SLC66A3: variants seen among roughly 807,000 people sequenced by gnomAD.
SLC66A3 encodes the protein solute carrier family 66 member 3.
SLC66A3 carries 23 observed loss-of-function variants against 25.5 expected under a neutral mutation model. The ratio of observed to expected loss-of-function variants is 0.90; its 90% confidence interval spans 0.65 to 1.28. The LOEUF (loss-of-function observed/expected upper bound fraction) is 1.28, where lower values mean the gene tolerates loss of function less well. Ranked by LOEUF, SLC66A3 falls within the 50% of genes most tolerant of loss-of-function variation. The pLI is 0.00. For missense variants in SLC66A3, 246 were observed against 262.1 expected (o/e 0.94, Z 0.42); for synonymous variants, 108 against 112.6 (o/e 0.96, Z 0.26).
At position 11,172,352 on chromosome 2, in the gene SLC66A3, A is replaced by G. The variant is rs138969648; in HGVS notation, c.475+307A>G. 1.9e-3 allele frequency among the ~76,000 whole-genome samples: 291 copies of G among 152,340 alleles called. 1 individual carries two copies. Among genetic ancestry groups the G allele is most frequent in the African/African-American group, 6.7e-3 (278 of 41,580 alleles). On this transcript the variant is annotated intron_variant, in intron 5 of 6. Coordinates refer to ENST00000295083, the MANE Select transcript of SLC66A3 (RefSeq NM_152391.5). ...AAGGATAAAGAGGTTGATTATATTG[A>G]ATGTACTAATTTATCTTAAGAATTT...
At chr2:11,175,971 A>ATGAT (rs1356148028) in intron 6 of SLC66A3, among the ~76,000 whole-genome samples, 1 of 152,174 alleles carries the variant, frequency 6.6e-6, no homozygotes, top group Non-Finnish European at 1.5e-5. Flanking sequence ...GTCAGCTCTG[A>ATGAT]TGATAGGACT....
chr2:11,164,404 C>T (rs958982572), intron 4 of SLC66A3, 143 bp downstream of exon 4: 29 of 170,024 alleles, frequency 1.7e-4, no homozygotes, highest in African/African-American at 7.2e-4. Flanking sequence ...TACAATGGCG[C>T]AATCTCGGCT....
At chr2:11,177,632 C>T (rs79760617) in intron 6 of SLC66A3, 105 bp from the exon 7 acceptor site, 55 of 653,496 alleles carry the variant, frequency 8.4e-5, no homozygotes, top group South Asian at 5.8e-4. Flanking sequence ...TTGTTCATTT[C>T]GGAGGTTGGG....
rs946229370 is a variant in SLC66A3 at position 11,175,142 on chromosome 2, T to G, written c.517+133T>G. On this transcript the variant is annotated intron_variant, in intron 6 of 6. Coordinates refer to ENST00000295083, the MANE Select transcript of SLC66A3 (RefSeq NM_152391.5). ...ATAGATTTAGAAGATGGCAACAATG[T>G]ATTCCTAGTCTTATTGGTCACCATT... The G allele has an allele frequency of 4.7e-6, 3 of 642,330 alleles. No individual in the cohort carries two copies. In the African/African-American group the frequency reaches 5.6e-5, roughly 12 times the overall value. 39.8% of individuals were successfully genotyped at this position (642,330 alleles called of 1,614,324 possible).
intron 3 of SLC66A3, among the ~76,000 whole-genome samples, chr2:11,162,700 G>A (rs1440738202): frequency 1.3e-5 from 2 of 152,112 alleles, no homozygotes; most frequent in Admixed American, 6.6e-5. Flanking sequence ...TCCGCCTCCC[G>A]GGTTCACGCC....
intron 1 of SLC66A3, among the ~76,000 whole-genome samples, chr2:11,157,238 G>A (rs1661939304): frequency 6.6e-6 from 1 of 152,226 alleles, no homozygotes; most frequent in Admixed American, 6.5e-5. Context: ...TCTGGCAGTG[G>A]AAGGATCTTC....
intron 4 of SLC66A3, among the ~76,000 whole-genome samples, chr2:11,168,608 G>A (rs557475453): frequency 3.9e-5 from 6 of 152,138 alleles, no homozygotes; most frequent in Admixed American, 6.5e-5. Context: ...TCGCCACCCC[G>A]CCGAGCCTGT....
Position 11,177,994 on chromosome 2 carries a change from T to C in SLC66A3, c.*166T>C, listed in dbSNP as rs937692506. On this transcript the variant is annotated 3_prime_UTR_variant, in exon 7 of 7. Coordinates refer to ENST00000295083, the MANE Select transcript of SLC66A3 (RefSeq NM_152391.5). ...AGAAAGAGCCACTTAAATTCTTGTTTAAAAATACCAATTTGCCTCCTCCTT... is the reference window on the plus strand; with the variant it reads ...AGAAAGAGCCACTTAAATTCTTGTTCAAAAATACCAATTTGCCTCCTCCTT... The C allele has an allele frequency of 1.8e-4, 104 of 581,248 alleles. No individual in the cohort carries two copies. Among genetic ancestry groups the C allele is most frequent in the Non-Finnish European group, 1.4e-4 (48 of 331,978 alleles). The allele number at this position is 581,248 out of a possible 1,614,324, so 36.0% of individuals were successfully genotyped here. A position where few individuals can be genotyped will look rare whatever the true frequency, so the allele number is the denominator to read the frequency against.
rs931224326 is a variant in SLC66A3, at chr2:11,155,529, G to A, written c.-18G>A. 2.0e-6 allele frequency: 3 copies of A among 1,486,710 alleles called. No homozygotes were observed. Among genetic ancestry groups the A allele is most frequent in the African/African-American group, 2.9e-5 (2 of 68,458 alleles). 92.1% of individuals were successfully genotyped at this position (1,486,710 alleles called of 1,614,324 possible). On this transcript the variant is annotated 5_prime_UTR_variant, in exon 1 of 7. Coordinates refer to ENST00000295083, the MANE Select transcript of SLC66A3 (RefSeq NM_152391.5). ...CCCTTCTCGCTGCGGCCGCCCAGGTGCCCGCGCCCGTGGCGCTATGGAGGC... is the reference window on the plus strand; with the variant it reads ...CCCTTCTCGCTGCGGCCGCCCAGGTACCCGCGCCCGTGGCGCTATGGAGGC...
chr2:11,164,345 A>AT (rs541806283), intron 4 of SLC66A3, 84 bp downstream of exon 4: 5,745 of 92,822 alleles, frequency 0.062, 383 homozygotes, highest in Non-Finnish European at 0.081. Flanking sequence ...ATATATATAT[A>AT]TTTTTTTTTT....
In SLC66A3 at chr2:11,172,009, G is replaced by A; in HGVS notation, c.439G>A (p.Ala147Thr). The A allele has an allele frequency of 6.2e-7, 1 of 1,614,112 alleles. No homozygotes were observed. The highest frequency in any genetic ancestry group is 8.5e-7 in the Non-Finnish European group (1 of 1,179,974). Residue 147 changes from alanine to threonine, a missense_variant, in exon 5 of 7, where the codon GCG becomes ACG. By Grantham distance (58) the Ala-to-Thr change is moderately conservative. This residue lies in a region of SLC66A3 where 93 missense variants were observed against 102.6 expected (regional missense o/e 0.91). Transcript: ENST00000295083. ...GACGAGAGACTCAGGAACTGTGAGTGCGCTGACTTGGAGCCTCTCTTCCTA... is the reference window on the plus strand; with the variant it reads ...GACGAGAGACTCAGGAACTGTGAGTACGCTGACTTGGAGCCTCTCTTCCTA... ...WKTRDSGTVS[A>T]LTWSLSSYTC... is the part of the protein sequence containing the mutation.
chr2:11,170,438 C>T (rs185142525), intron 4 of SLC66A3, among the ~76,000 whole-genome samples: 2 of 152,156 alleles, frequency 1.3e-5, no homozygotes, highest in Non-Finnish European at 2.9e-5. Flanking sequence ...GATCTCTTAC[C>T]TCACTGTATA....
chr2:11,164,345 AT>A (rs541806283), intron 4 of SLC66A3, 84 bp downstream of exon 4: 48 of 92,794 alleles, frequency 5.2e-4, no homozygotes, highest in African/African-American at 8.3e-4. Flanking sequence ...ATATATATAT[AT>A]TTTTTTTTTT....
Position 11,177,970 on chromosome 2 carries a change from G to T in SLC66A3, c.*142G>T. On this transcript the variant is annotated 3_prime_UTR_variant, in exon 7 of 7. Transcript: ENST00000295083. ...GCCAAAGGTTTTTTTAGACTTGAAA[G>T]AAAGAGCCACTTAAATTCTTGTTTA... The T allele has an allele frequency of 1.7e-6, 1 of 598,150 alleles. No homozygotes were observed. 37.1% of individuals were successfully genotyped at this position (598,150 alleles called of 1,614,324 possible). A position where few individuals can be genotyped will look rare whatever the true frequency, so the allele number is the denominator to read the frequency against.
intron 5 of SLC66A3, among the ~76,000 whole-genome samples, chr2:11,174,445 C>T (rs1293449266): frequency 6.6e-6 from 1 of 152,170 alleles, no homozygotes; most frequent in South Asian, 2.1e-4. Context: ...CCCTCATGAG[C>T]AGTTTCAAAA....
At chr2:11,175,216 C>T (rs1187931437) in intron 6 of SLC66A3, among the ~76,000 whole-genome samples, 6 of 152,140 alleles carry the variant, frequency 3.9e-5, no homozygotes, top group African/African-American at 9.7e-5. Flanking sequence ...AGACTATGCA[C>T]AAGACAATAG....
In SLC66A3 at chr2:11,155,651, G is replaced by T. The variant is rs757091602; in HGVS notation, c.105G>T (p.Arg35=). The T allele has an allele frequency of 1.3e-6, 2 of 1,490,598 alleles. No individual in the cohort carries two copies. Among genetic ancestry groups the T allele is most frequent in the South Asian group, 2.6e-5 (2 of 78,164 alleles). The allele number at this position is 1,490,598 out of a possible 1,614,324, so 92.3% of individuals were successfully genotyped here. The change falls in exon 1 of 7, where the codon CGG becomes CGT. Residue 35 remains arginine, a synonymous_variant. Transcript: ENST00000295083. ...CTGTGCTAGCGGCGCGCAGCGCGCG[G>T]GGCCTCAGCCTTCCGAGTTTACTTC... ...ISAVLAARSA[R]GLSLPSLLLE... is the part of the protein sequence containing the mutation.
At chr2:11,157,786 C>T (rs993561636) in intron 1 of SLC66A3, among the ~76,000 whole-genome samples, 3 of 152,252 alleles carry the variant, frequency 2.0e-5, no homozygotes, top group Non-Finnish European at 4.4e-5. Context: ...AGGGACCTGC[C>T]TCTGCCACCC....
intron 4 of SLC66A3, among the ~76,000 whole-genome samples, chr2:11,170,310 C>T (rs142126966): frequency 6.6e-6 from 1 of 152,302 alleles, no homozygotes; most frequent in African/African-American, 2.4e-5. Context: ...CCTTGTCTCC[C>T]TTCGGTCTAC....
Sources: gnomAD v4.1 joint callset for allele counts (sites outside exome capture counted in the v4.1 genomes callset) on GRCh38, gnomAD v4.1.1 for gene constraint, gnomAD v4.1.1 regional missense constraint, MANE v1.5 for transcripts, NCBI Gene and HGNC (gene_info 2026-07-23, HGNC 2026-07-21) for gene names.